MIS18BP1: variants seen among roughly 807,000 people sequenced by gnomAD.
MIS18BP1 encodes MIS18 binding protein 1.
Under a neutral mutation model 116.1 loss-of-function variants are expected in MIS18BP1, and 72 were observed. The ratio of observed to expected loss-of-function variants is 0.62; its 90% CI spans 0.51 to 0.75. The LOEUF (loss-of-function observed/expected upper bound fraction) is 0.75, where lower values mean the gene tolerates loss of function less well. Ranked by LOEUF, MIS18BP1 falls within the 30% of genes least tolerant of loss-of-function variation. The pLI is 0.00. For missense variants in MIS18BP1, 1,363 were observed against 1,303.2 expected, an observed-to-expected ratio of 1.05 and a Z score of -0.71; for synonymous variants, 386 against 427.0, an observed-to-expected ratio of 0.90 and a Z score of 1.18.
At chr14:45,230,956 C>T (rs1182622746) in intron 8 of MIS18BP1, among the ~76,000 whole-genome samples, 185 bp downstream of exon 8, 1 of 152,078 alleles carries the variant, frequency 6.6e-6, no homozygotes, top group Admixed American at 6.6e-5. Context: ...TGAATCCTGA[C>T]CATGATTAAT....
chr14:45,228,697 C>CT (rs1891193050), intron 8 of MIS18BP1, among the ~76,000 whole-genome samples: 1 of 152,136 alleles, frequency 6.6e-6, no homozygotes, highest in African/African-American at 2.4e-5. Flanking sequence ...TAAAGATGTA[C>CT]TGACTAGTCC....
chr14:45,251,818 TA>T (rs1187498621), intron 1 of MIS18BP1, among the ~76,000 whole-genome samples: 28 of 152,216 alleles, frequency 1.8e-4, no homozygotes, highest in Admixed American at 9.8e-4. Context: ...AGATGCAAAC[TA>T]AAACAGTGAG....
chr14:45,236,455 C>G (rs1891431072), intron 5 of MIS18BP1, among the ~76,000 whole-genome samples: 1 of 151,922 alleles, frequency 6.6e-6, no homozygotes, highest in Non-Finnish European at 1.5e-5. Flanking sequence ...AAATCACTGA[C>G]CCATAAATCT....
chr14:45,224,758 TA>T lies in MIS18BP1; in HGVS notation c.1841-13del, dbSNP rs1212536593. ...TTCTTCAGTTGTCTCTTTAATTTCATAAGACAAAACCAAAGACCAAAATCTC... is the reference window on the plus strand; with the variant it reads ...TTCTTCAGTTGTCTCTTTAATTTCATAGACAAAACCAAAGACCAAAATCTC... On this transcript the variant is annotated splice_polypyrimidine_tract_variant and intron_variant, in intron 10 of 16. Transcript: ENST00000310806. The T allele has an allele frequency of 7.8e-6, 12 of 1,535,808 alleles. No homozygotes were observed. The highest frequency in any genetic ancestry group is 1.0e-5 in the Non-Finnish European group (12 of 1,145,586).
Position 45,247,371 on chromosome 14 carries a change from C to G in MIS18BP1, c.-85G>C. ...CAGATAGAACTTCAGAAGGGATCCACAGAAACCTGTAGTTCAACGTAAAAT... is the reference window on the plus strand; with the variant it reads ...CAGATAGAACTTCAGAAGGGATCCAGAGAAACCTGTAGTTCAACGTAAAAT... On this transcript the variant is annotated 5_prime_UTR_variant, in exon 2 of 17. Coordinates refer to ENST00000310806, the MANE Select transcript of MIS18BP1 (RefSeq NM_018353.5). The G allele has an allele frequency of 8.6e-7, 1 of 1,161,380 alleles. No homozygotes were observed. The allele number at this position is 1,161,380 out of a possible 1,614,324, so 71.9% of individuals were successfully genotyped here.
intron 4 of MIS18BP1, 138 bp downstream of exon 4, chr14:45,241,894 TAA>T (rs1175751867): frequency 2.2e-6 from 2 of 906,806 alleles, no homozygotes; most frequent in African/African-American, 3.3e-5. Flanking sequence ...TAAAACATGA[TAA>T]TGAAGACACT....
chr14:45,210,069 A>G (rs1384118167), intron 14 of MIS18BP1: 4 of 200,604 alleles, frequency 2.0e-5, no homozygotes, highest in Non-Finnish European at 3.9e-5. Flanking sequence ...AAAGACCATC[A>G]CTAATCTGGT....
chr14:45,227,800 T>C lies in MIS18BP1; in HGVS notation c.1609A>G (p.Lys537Glu). 1.2e-6 allele frequency: 2 copies of C among 1,613,944 alleles called. No individual in the cohort carries two copies. Among genetic ancestry groups the C allele is most frequent in the Non-Finnish European group, 1.7e-6 (2 of 1,179,850 alleles). The change falls in exon 9 of 17, where the codon AAG becomes GAG. Residue 537 changes from lysine (K) to glutamate (E), a missense_variant. Lys to Glu is a moderately conservative substitution (Grantham distance 56). Transcript: ENST00000310806. ...GTAGCTCCTGGTGACTCACTGTGCT[T>C]ATTACTCTTCAGTTCTATGAATACA... The part of the protein sequence containing the change: ...DCDNLELKSN[K>E]HSESPGATEL...
At chr14:45,221,796 T>C (rs1388730203) in intron 11 of MIS18BP1, among the ~76,000 whole-genome samples, 1 of 152,234 alleles carries the variant, frequency 6.6e-6, no homozygotes, top group Non-Finnish European at 1.5e-5. Flanking sequence ...TCCCTGCTAA[T>C]TTTCAGTCAG....
At chr14:45,243,646 G>A (rs1283457269) in intron 2 of MIS18BP1, among the ~76,000 whole-genome samples, 1 of 151,970 alleles carries the variant, frequency 6.6e-6, no homozygotes, top group Non-Finnish European at 1.5e-5. Flanking sequence ...TGCCACTTTG[G>A]TCTCAGAAAT....
At position 45,224,619 on chromosome 14, in the gene MIS18BP1, T is replaced by C; in HGVS notation, c.1968A>G (p.Lys656=). The C allele has an allele frequency of 6.2e-7, 1 of 1,613,794 alleles. No homozygotes were observed. ...ATCTTTGCTCTATCACTTTTCTAGA[T>C]TTAAGTGGTGTTACTAAAATATAAG... ...KKAYILVTPL[K]SRKVIEQRCM... is the part of the protein sequence containing the mutation. The change falls in exon 11 of 17, where the codon AAA becomes AAG. Residue 656 remains lysine, a synonymous_variant. Coordinates refer to ENST00000310806, the MANE Select transcript of MIS18BP1 (RefSeq NM_018353.5).
chr14:45,204,924 A>G (rs533588656), intron 15 of MIS18BP1, among the ~76,000 whole-genome samples: 3 of 152,216 alleles, frequency 2.0e-5, no homozygotes, highest in South Asian at 2.1e-4. Flanking sequence ...ACAGTCTGTT[A>G]TTATAACAGT....
In MIS18BP1 at chr14:45,245,735, T is replaced by C. The variant is rs147733259; in HGVS notation, c.544+1008A>G. On this transcript the variant is annotated intron_variant, in intron 2 of 16. Coordinates refer to ENST00000310806, the MANE Select transcript of MIS18BP1 (RefSeq NM_018353.5). ...GGACCCAGCTCTTGAATGTTTTCTCTTTCTACACTTACTCCTTGATGACCT... is the reference window on the plus strand; with the variant it reads ...GGACCCAGCTCTTGAATGTTTTCTCCTTCTACACTTACTCCTTGATGACCT... Among the ~76,000 whole-genome samples the C allele has an allele frequency of 2.7e-3, 414 of 152,312 alleles. 1 individual carries two copies. Among genetic ancestry groups the C allele is most frequent in the African/African-American group, 9.6e-3 (397 of 41,540 alleles).
In MIS18BP1 at chr14:45,242,924, T is replaced by C. The variant is rs756110312; in HGVS notation, c.545-50A>G. 25 of 1,256,888 alleles carry C rather than the reference T, an allele frequency of 2.0e-5. 1 individual carries two copies. The highest frequency in any genetic ancestry group is 2.8e-5 in the Non-Finnish European group (25 of 893,722). 77.9% of individuals were successfully genotyped at this position (1,256,888 alleles called of 1,614,324 possible). On this transcript the variant is annotated intron_variant, in intron 2 of 16. Transcript: ENST00000310806. Reference sequence around the variant, plus strand: ...GAAGAAGTTGAATTGTATTAGTCACTAAGAAAAAAACAGCTTTTAAAATTC... The same window carrying C: ...GAAGAAGTTGAATTGTATTAGTCACCAAGAAAAAAACAGCTTTTAAAATTC...
chr14:45,214,807 A>G (rs1170325443), intron 13 of MIS18BP1, among the ~76,000 whole-genome samples: 1 of 152,052 alleles, frequency 6.6e-6, no homozygotes, highest in Non-Finnish European at 1.5e-5. Flanking sequence ...GCTGGAGTGC[A>G]ATGGTGCCTT....
At chr14:45,217,850 G>T (rs1399893753) in intron 12 of MIS18BP1, among the ~76,000 whole-genome samples, 1 of 152,110 alleles carries the variant, frequency 6.6e-6, no homozygotes, top group Admixed American at 6.5e-5. Context: ...AGGGTATTGG[G>T]TTCTCGCTAA....
intron 7 of MIS18BP1, chr14:45,232,361 G>A (rs1297681457): frequency 5.2e-6 from 1 of 190,734 alleles, no homozygotes; most frequent in Non-Finnish European, 1.0e-5. Flanking sequence ...AGCTTGCAAT[G>A]AGCTGAGATC....
intron 13 of MIS18BP1, among the ~76,000 whole-genome samples, chr14:45,211,380 G>A (rs1393092955): frequency 6.6e-6 from 1 of 152,202 alleles, no homozygotes; most frequent in Non-Finnish European, 1.5e-5. Flanking sequence ...AGCCCAGGAT[G>A]GTGCTGGCCC....
intron 1 of MIS18BP1, chr14:45,250,154 A>G (rs1223087677): frequency 1.3e-5 from 2 of 152,218 alleles, no homozygotes; most frequent in Admixed American, 6.5e-5. Context: ...TCAGGCAAGT[A>G]GTAGGATAAA....
Sources: allele counts gnomAD v4.1 joint callset (sites outside exome capture counted in the v4.1 genomes callset), GRCh38; gene constraint gnomAD v4.1.1; transcripts MANE v1.5; gene names NCBI Gene and HGNC (gene_info 2026-07-23, HGNC 2026-07-21).